The following COL5A2 variants were observed in gnomAD, a reference collection of about 807,000 sequenced individuals.
COL5A2 encodes collagen alpha-2(V) chain.
Under a neutral mutation model 208.2 loss-of-function variants are expected in COL5A2, and 23 were observed. That is an observed-to-expected ratio of 0.11 (90% CI 0.08 to 0.16). The LOEUF (loss-of-function observed/expected upper bound fraction) is 0.16. COL5A2 is among the 10% of genes least tolerant of loss of function. The pLI, the probability that COL5A2 is intolerant of heterozygous loss-of-function variation, is 1.00. For missense variants in COL5A2, 1,590 were observed against 1,956.4 expected, an observed-to-expected ratio of 0.81 and a Z score of 3.53; for synonymous variants, 625 against 628.5, an observed-to-expected ratio of 0.99 and a Z score of 0.08.
chr2:189,398,889 GT>G, the COL5A2 span, among the ~76,000 whole-genome samples: 2 of 151,996 alleles, frequency 1.3e-5, no homozygotes, highest in Non-Finnish European at 2.9e-5. Flanking sequence ...ACTACTAGAG[GT>G]TATTCTATGA....
rs534790516 is a variant in COL5A2 at position 189,108,290 on chromosome 2, T to C, written c.322+1935A>G. On this transcript the variant is annotated intron_variant, in intron 2 of 53. Coordinates refer to ENST00000374866, the MANE Select transcript of COL5A2 (RefSeq NM_000393.5). ...TGGTTGCCTTGCATTTAGCCGATGG[T>C]AGTTTCCCTGAGAAATTTATAGAAA... 2.6e-5 allele frequency among the ~76,000 whole-genome samples: 4 copies of C among 151,964 alleles called. No individual in the cohort carries two copies. In the South Asian group the frequency reaches 6.2e-4, roughly 24 times the overall value.
rs759316090 is a variant in COL5A2, at chr2:189,068,774, C to G, written c.1257+12G>C. The G allele has an allele frequency of 1.3e-6, 2 of 1,593,674 alleles. No homozygotes were observed. Among genetic ancestry groups the G allele is most frequent in the African/African-American group, 2.7e-5 (2 of 74,494 alleles). ...CTTTCTGGGCTGGTTCTTAAATATG[C>G]TAGAAACTTACAGGAAGACCTGGAG... On this transcript the variant is annotated intron_variant, in intron 19 of 53. Coordinates refer to ENST00000374866, the MANE Select transcript of COL5A2 (RefSeq NM_000393.5).
the COL5A2 span, among the ~76,000 whole-genome samples, chr2:189,309,743 A>G: frequency 6.6e-6 from 1 of 152,210 alleles, no homozygotes; most frequent in East Asian, 1.9e-4. Flanking sequence ...GCAGACCTTT[A>G]TGGATTTGCC....
the COL5A2 span, among the ~76,000 whole-genome samples, chr2:189,333,255 C>G: frequency 6.6e-6 from 1 of 151,982 alleles, no homozygotes. Flanking sequence ...ATAGATAAAT[C>G]AACAAAGTCA....
the COL5A2 span, among the ~76,000 whole-genome samples, chr2:189,410,647 CTTTG>C: frequency 6.6e-6 from 1 of 151,906 alleles, no homozygotes; most frequent in African/African-American, 2.4e-5. Flanking sequence ...TTCAATAATG[CTTTG>C]TTTTTTTAAT....
At chr2:189,349,393 A>G in the COL5A2 span, among the ~76,000 whole-genome samples, 1 of 152,180 alleles carries the variant, frequency 6.6e-6, no homozygotes, top group Non-Finnish European at 1.5e-5. Flanking sequence ...ATTCTACACA[A>G]ATAAAATTAG....
At chr2:189,370,027 G>C in the COL5A2 span, among the ~76,000 whole-genome samples, 1 of 152,154 alleles carries the variant, frequency 6.6e-6, no homozygotes, top group Non-Finnish European at 1.5e-5. Flanking sequence ...TGTTCTATGT[G>C]CTTTACATTT....
the COL5A2 span, among the ~76,000 whole-genome samples, chr2:189,293,951 G>A: frequency 6.4e-3 from 978 of 152,238 alleles, 11 homozygotes; most frequent in African/African-American, 0.022. Context: ...AGCCGGGCAT[G>A]GTGGCGGGCG....
At chr2:189,414,595 C>T in the COL5A2 span, among the ~76,000 whole-genome samples, 1 of 151,760 alleles carries the variant, frequency 6.6e-6, no homozygotes, top group African/African-American at 2.4e-5. Context: ...ACTAAAAATA[C>T]AAAAATTAGC....
In COL5A2 at chr2:189,069,007, T is replaced by C. The variant is rs943920674; in HGVS notation, c.1159-123A>G. ...AATACTGAAAGAGGCCAAAGAGGAT[T>C]ACAAGAGATGCGTGCCCAACCAAGC... On this transcript the variant is annotated intron_variant, in intron 18 of 53. Coordinates refer to ENST00000374866, the MANE Select transcript of COL5A2 (RefSeq NM_000393.5). The C allele has an allele frequency of 9.4e-6, 7 of 743,746 alleles. No homozygotes were observed. The Admixed American group carries it at 1.4e-4, about 15-fold the overall frequency. The allele number at this position is 743,746 out of a possible 1,614,324, so 46.1% of individuals were successfully genotyped here. A position where few individuals can be genotyped will look rare whatever the true frequency, so the allele number is the denominator to read the frequency against.
chr2:189,307,210 C>G, the COL5A2 span, among the ~76,000 whole-genome samples: 1 of 151,954 alleles, frequency 6.6e-6, no homozygotes, highest in African/African-American at 2.4e-5. Flanking sequence ...CTTCCCTTTA[C>G]ACTTAAATTT....
chr2:189,291,307 C>T, the COL5A2 span, among the ~76,000 whole-genome samples: 5,897 of 152,104 alleles, frequency 0.039, 130 homozygotes, highest in Admixed American at 0.052. Flanking sequence ...GTTTCGCTGC[C>T]GGTTTCTGAA....
At chr2:189,044,869 T>G (rs994192282) in intron 47 of COL5A2, among the ~76,000 whole-genome samples, 4 of 152,170 alleles carry the variant, frequency 2.6e-5, no homozygotes, top group Non-Finnish European at 5.9e-5. Flanking sequence ...CATTTTCCTA[T>G]GTAGTTTTTA....
the COL5A2 span, among the ~76,000 whole-genome samples, chr2:189,436,004 A>G: frequency 6.6e-6 from 1 of 152,214 alleles, no homozygotes; most frequent in African/African-American, 2.4e-5. Context: ...GCCATAAAAA[A>G]GGATGAATTC....
chr2:189,117,732 CT>C (rs5837127), intron 1 of COL5A2, among the ~76,000 whole-genome samples: 9,389 of 150,802 alleles, frequency 0.062, 425 homozygotes, highest in African/African-American at 0.11. Flanking sequence ...AATTCTTACT[CT>C]TTTTTTTTTT....
the COL5A2 span, among the ~76,000 whole-genome samples, chr2:189,361,822 A>G: frequency 6.6e-6 from 1 of 152,102 alleles, no homozygotes; most frequent in African/African-American, 2.4e-5. Context: ...CAAAAAGCAC[A>G]TTATAACAGG....
intron 1 of COL5A2, among the ~76,000 whole-genome samples, chr2:189,203,341 T>C (rs1178966551): frequency 1.3e-5 from 2 of 152,162 alleles, no homozygotes; most frequent in African/African-American, 4.8e-5. Flanking sequence ...GGAGAAACTC[T>C]AGTGGAGTGG....
At chr2:189,236,384 G>T in the COL5A2 span, among the ~76,000 whole-genome samples, 2 of 151,578 alleles carry the variant, frequency 1.3e-5, no homozygotes, top group Non-Finnish European at 2.9e-5. Flanking sequence ...AATATATATC[G>T]CAGAGTAGAA....
intron 13 of COL5A2, among the ~76,000 whole-genome samples, chr2:189,080,751 T>C (rs572031994): frequency 1.1e-4 from 16 of 152,166 alleles, no homozygotes; most frequent in South Asian, 2.1e-4. Context: ...GTACCCTCTT[T>C]TGTAGCATAG....
Sources: allele counts gnomAD v4.1 joint callset (sites outside exome capture counted in the v4.1 genomes callset), GRCh38; gene constraint gnomAD v4.1.1; transcripts MANE v1.5; gene names NCBI Gene and HGNC (gene_info 2026-07-23, HGNC 2026-07-21).